KCNH8: variants seen among roughly 807,000 people sequenced by gnomAD.
The protein encoded by KCNH8 is potassium voltage-gated channel subfamily H member 8.
Under a neutral mutation model 103.6 loss-of-function variants are expected in KCNH8, and 70 were observed. The ratio of observed to expected loss-of-function variants is 0.68; its 90% CI spans 0.56 to 0.82. The LOEUF (loss-of-function observed/expected upper bound fraction) is 0.82, where lower values mean the gene tolerates loss of function less well. Among genes scored for constraint, KCNH8 ranks in the 40% least tolerant of loss-of-function variants. The pLI, the probability that KCNH8 is intolerant of heterozygous loss-of-function variation, is 0.00. For missense variants in KCNH8, 1,217 were observed against 1,329.9 expected (o/e 0.92, Z 1.32); for synonymous variants, 498 against 489.4 (o/e 1.02, Z -0.23).
At chr3:19,273,962 C>T (rs1180142963) in intron 2 of KCNH8, among the ~76,000 whole-genome samples, 1 of 152,042 alleles carries the variant, frequency 6.6e-6, no homozygotes, top group Non-Finnish European at 1.5e-5. Flanking sequence ...TATAAAAAGG[C>T]TTTACTGCAC....
At chr3:19,397,364 C>T (rs2066535617) in intron 7 of KCNH8, among the ~76,000 whole-genome samples, 1 of 151,560 alleles carries the variant, frequency 6.6e-6, no homozygotes, top group Non-Finnish European at 1.5e-5. Flanking sequence ...TATTTTTTTT[C>T]ACCTGTTTGG....
chr3:19,261,475 T>G (rs1459456443), intron 2 of KCNH8, among the ~76,000 whole-genome samples: 1 of 151,906 alleles, frequency 6.6e-6, no homozygotes, highest in Admixed American at 6.6e-5. Flanking sequence ...GTACATGTTC[T>G]TTATCAATCT....
At chr3:19,345,013 A>G in intron 4 of KCNH8, among the ~76,000 whole-genome samples, 1 of 152,092 alleles carries the variant, frequency 6.6e-6, no homozygotes, top group Non-Finnish European at 1.5e-5. Context: ...ACAGGAATAT[A>G]TGCTTCAGCC....
rs1242138649 is a variant in KCNH8, at chr3:19,456,963, G to A, written c.2021G>A (p.Arg674Gln). ...CAGCATGACCTCACATACAACCTCC[G>A]AGAAGGTCATGAGAGTGATGTAAGT... is the stretch of plus-strand genomic sequence containing the variant. ...DIQHDLTYNL[R>Q]EGHESDVISR... is the part of the protein sequence containing the mutation. Residue 674 changes from arginine to glutamine, a missense_variant, in exon 11 of 16, where the codon CGA becomes CAA. Physicochemically the swap from Arg to Gln is conservative, Grantham distance 43. Around this residue, in one of 3 missense-constraint regions of KCNH8, gnomAD observed 415 missense variants for 577.4 expected, o/e 0.72. Transcript: ENST00000328405. 2.5e-6 allele frequency: 4 copies of A among 1,610,960 alleles called. No individual in the cohort carries two copies. Among genetic ancestry groups the A allele is most frequent in the Middle Eastern group, 1.7e-4 (1 of 6,034 alleles).
intron 11 of KCNH8, among the ~76,000 whole-genome samples, chr3:19,488,454 A>AT (rs1451216252): frequency 2.0e-5 from 3 of 151,986 alleles, no homozygotes; most frequent in Non-Finnish European, 2.9e-5. Context: ...TGTTTTTGCA[A>AT]TTTTTTCCTG....
At position 19,419,205 on chromosome 3, in the gene KCNH8, T is replaced by TTTTTTG. The variant is rs1559318903; in HGVS notation, c.1178-18954_1178-18953insGTTTTT. ...ATTAAAATGGTTTTGGTTTTTTTTT[T>TTTTTTG]TTTTTTTTTTTTGAGACGGAGTCTC... is the stretch of plus-strand genomic sequence containing the variant. On this transcript the variant is annotated intron_variant, in intron 7 of 15. Transcript: ENST00000328405. 7.9e-5 allele frequency among the ~76,000 whole-genome samples: 11 copies of TTTTTTG among 140,090 alleles called. 2 individuals carry two copies. The highest frequency in any genetic ancestry group is 2.7e-4 in the African/African-American group (10 of 37,570). 91.9% of individuals were successfully genotyped at this position (140,090 alleles called of 152,430 possible).
intron 4 of KCNH8, among the ~76,000 whole-genome samples, chr3:19,346,270 G>A (rs2065726939): frequency 6.6e-6 from 1 of 151,954 alleles, no homozygotes; most frequent in Non-Finnish European, 1.5e-5. Flanking sequence ...AGCCCAACGG[G>A]GCTACTTCAT....
chr3:19,242,972 G>A (rs936594528), intron 1 of KCNH8, among the ~76,000 whole-genome samples: 2 of 152,134 alleles, frequency 1.3e-5, no homozygotes, highest in Non-Finnish European at 2.9e-5. Context: ...GAGTATTACA[G>A]CTCTAAGGAT....
At chr3:19,397,504 CACACACATATATATACGTGTGTATATAT>C (rs1349195264) in intron 7 of KCNH8, among the ~76,000 whole-genome samples, 15 of 150,862 alleles carry the variant, frequency 9.9e-5, no homozygotes, top group Middle Eastern at 3.5e-3. Flanking sequence ...TATATATACA[CACACACATATATATACGTGTGTATATAT>C]ACACACATAT....
At chr3:19,437,556 C>T (rs1312826962) in intron 7 of KCNH8, among the ~76,000 whole-genome samples, 1 of 152,068 alleles carries the variant, frequency 6.6e-6, no homozygotes, top group Non-Finnish European at 1.5e-5. Flanking sequence ...CAAGTTTTCC[C>T]CCTTCCAACC....
intron 8 of KCNH8, among the ~76,000 whole-genome samples, 200 bp from the exon 9 acceptor site, chr3:19,449,906 G>A (rs1340976716): frequency 6.6e-6 from 1 of 152,062 alleles, no homozygotes; most frequent in Non-Finnish European, 1.5e-5. Context: ...CAAGCCATAT[G>A]GAATCAAAGT....
At chr3:19,314,091 C>T (rs747090076) in intron 3 of KCNH8, among the ~76,000 whole-genome samples, 1 of 151,810 alleles carries the variant, frequency 6.6e-6, no homozygotes, top group Non-Finnish European at 1.5e-5. Context: ...TTCAATAAAG[C>T]TGGGTCATCA....
chr3:19,356,737 G>T (rs1331030726), intron 5 of KCNH8, among the ~76,000 whole-genome samples: 1 of 151,964 alleles, frequency 6.6e-6, no homozygotes, highest in African/African-American at 2.4e-5. Flanking sequence ...ATAACTAACT[G>T]ATGGCAGACT....
intron 8 of KCNH8, among the ~76,000 whole-genome samples, chr3:19,446,132 G>A (rs966157779): frequency 2.0e-5 from 3 of 151,872 alleles, no homozygotes; most frequent in Non-Finnish European, 4.4e-5. Flanking sequence ...AAATATGTAT[G>A]TATAACTATT....
intron 2 of KCNH8, among the ~76,000 whole-genome samples, chr3:19,271,383 C>T (rs1464450403): frequency 6.6e-6 from 1 of 152,070 alleles, no homozygotes; most frequent in Non-Finnish European, 1.5e-5. Flanking sequence ...GTTAGATGTT[C>T]AAAGAAACAC....
At chr3:19,411,825 T>G (rs1185967863) in intron 7 of KCNH8, among the ~76,000 whole-genome samples, 2 of 150,680 alleles carry the variant, frequency 1.3e-5, no homozygotes, top group African/African-American at 2.4e-5. Flanking sequence ...ACCAAGGAGA[T>G]GAAAGATATC....
rs1246547627 is a variant in KCNH8, at chr3:19,390,600, C to A, written c.931C>A (p.Leu311Met). Reference sequence around the variant, plus strand: ...GTTCATCATTGATTTAATCGCTGCCCTGCCTTTTGATCTTCTGTATGCTTT... The same window carrying A: ...GTTCATCATTGATTTAATCGCTGCCATGCCTTTTGATCTTCTGTATGCTTT... ...TWFIIDLIAALPFDLLYAFNV... is the reference protein window; with the variant it reads ...TWFIIDLIAAMPFDLLYAFNV... The change falls in exon 6 of 16, where the codon CTG becomes ATG. Residue 311 changes from leucine (L) to methionine (M), a missense_variant. Around this residue, in one of 3 missense-constraint regions of KCNH8, gnomAD observed 415 missense variants for 577.4 expected, o/e 0.72. Coordinates refer to ENST00000328405, the MANE Select transcript of KCNH8 (RefSeq NM_144633.3). The A allele has an allele frequency of 3.1e-6, 5 of 1,613,280 alleles. No individual in the cohort carries two copies. Among genetic ancestry groups the A allele is most frequent in the Non-Finnish European group, 4.2e-6 (5 of 1,179,606 alleles).
chr3:19,527,301 G>A (rs549383413), intron 15 of KCNH8, among the ~76,000 whole-genome samples: 2 of 152,196 alleles, frequency 1.3e-5, no homozygotes, highest in Admixed American at 6.6e-5. Context: ...TAGTTATAGA[G>A]ATAACGGTAG....
rs186563550 is a variant in KCNH8, at chr3:19,373,251, T to A, written c.812-17230T>A. On this transcript the variant is annotated intron_variant, in intron 5 of 15. Coordinates refer to ENST00000328405, the MANE Select transcript of KCNH8 (RefSeq NM_144633.3). Reference sequence around the variant, plus strand: ...GAATCCATCTGGTCCTGGACTCTTTTTGGTTGGTAAGCTATTGATTATTGC... The same window carrying A: ...GAATCCATCTGGTCCTGGACTCTTTATGGTTGGTAAGCTATTGATTATTGC... Among the ~76,000 whole-genome samples, 457 of 152,254 alleles carry A rather than the reference T, an allele frequency of 3.0e-3. 20 individuals carry two copies. In the East Asian group the frequency reaches 0.075, roughly 25 times the overall value.
Sources: gnomAD v4.1 joint callset for allele counts (sites outside exome capture counted in the v4.1 genomes callset) on GRCh38, gnomAD v4.1.1 for gene constraint, gnomAD v4.1.1 regional missense constraint, MANE v1.5 for transcripts, NCBI Gene and HGNC (gene_info 2026-07-23, HGNC 2026-07-21) for gene names.